Variants in ACSM1 observed in about 807,000 individuals in gnomAD.
ACSM1 encodes the protein acyl-CoA synthetase medium chain family member 1.
A neutral mutation model predicts 75.8 loss-of-function variants in ACSM1; 79 were observed. The observed-to-expected ratio is 1.04, with a 90% CI of 0.87 to 1.26. The LOEUF is 1.26. Ranked by LOEUF, ACSM1 falls within the 50% of genes most tolerant of loss-of-function variation. ACSM1 has a pLI of 0.00. For missense variants in ACSM1, 676 were observed against 720.1 expected (o/e 0.94, Z 0.70); for synonymous variants, 279 against 265.8 (o/e 1.05, Z -0.48).
chr16:20,661,736 G>T, intron 7 of ACSM1, 58 bp downstream of exon 7: 1 of 1,247,510 alleles, frequency 8.0e-7, no homozygotes, highest in Non-Finnish European at 1.2e-6. Flanking sequence ...AGACCATGAT[G>T]TATCAGATTC....
chr16:20,656,208 C>G (rs1157361282), intron 7 of ACSM1, among the ~76,000 whole-genome samples: 1 of 152,024 alleles, frequency 6.6e-6, no homozygotes, highest in Non-Finnish European at 1.5e-5. Flanking sequence ...TGTTATATCT[C>G]TATATTTATA....
chr16:20,691,026 C>A lies in ACSM1; in HGVS notation c.163G>T (p.Val55Leu). 6.2e-7 allele frequency: 1 copy of A among 1,613,602 alleles called. No individual in the cohort carries two copies. Among genetic ancestry groups the A allele is most frequent in the Non-Finnish European group, 8.5e-7 (1 of 1,179,816 alleles). The change falls in exon 2 of 14, where the codon GTA becomes TTA. Residue 55 changes from valine (V) to leucine (L), a missense_variant. By Grantham distance (32) the Val-to-Leu change is conservative. Transcript: ENST00000520010. ...VPEEFNFASY[V>L]LDYWAQKEKE... ...TCCTTTTGAGCCCAGTAGTCCAGTA[C>A]ATAACTTGCAAAGTTAAATTCCTCC...
intron 4 of ACSM1, among the ~76,000 whole-genome samples, chr16:20,678,464 C>T (rs1338202137): frequency 6.6e-6 from 1 of 152,168 alleles, no homozygotes; most frequent in Non-Finnish European, 1.5e-5. Context: ...AGAAGCCATG[C>T]CATGTGAAAA....
chr16:20,632,190 G>A, intron 10 of ACSM1, among the ~76,000 whole-genome samples: 1 of 152,052 alleles, frequency 6.6e-6, no homozygotes, highest in East Asian at 1.9e-4. Context: ...AGAATAAGAA[G>A]AGCAAACTAA....
Position 20,624,162 on chromosome 16 carries a change from AT to A in ACSM1, c.1580del (p.Asp527ValfsTer3). ...GCTGCTGCAGTTCCTTGGTCAGCTG[AT>A]CCTTGTCATGGGACAGGAACTGTGG... is the stretch of plus-strand genomic sequence containing the variant. ...LTPQFLSHDK[D>X]QLTKELQQHV... On this transcript the variant is annotated frameshift_variant, in exon 13 of 14. Coordinates refer to ENST00000520010, the MANE Select transcript of ACSM1 (RefSeq NM_001318890.3). LOFTEE classifies it high-confidence loss of function. The A allele has an allele frequency of 6.2e-7, 1 of 1,613,434 alleles. No homozygotes were observed. Among genetic ancestry groups the A allele is most frequent in the Non-Finnish European group, 8.5e-7 (1 of 1,179,504 alleles).
chr16:20,677,658 C>T lies in ACSM1; in HGVS notation c.611+4598G>A, dbSNP rs187814378. 1.7e-3 allele frequency among the ~76,000 whole-genome samples: 265 copies of T among 152,250 alleles called. 5 individuals are homozygous for T. The South Asian group carries it at 0.028, about 16-fold the overall frequency. The stretch of plus-strand genomic sequence containing the variant: ...TTTTACTGATGGAAGCAGTTTCATA[C>T]GAAAGGGAATCTGCTGAGCTGGGTA... On this transcript the variant is annotated intron_variant, in intron 4 of 13. Coordinates refer to ENST00000520010, the MANE Select transcript of ACSM1 (RefSeq NM_001318890.3).
intron 7 of ACSM1, among the ~76,000 whole-genome samples, chr16:20,653,339 G>C (rs1280608008): frequency 2.6e-5 from 4 of 152,088 alleles, no homozygotes; most frequent in Non-Finnish European, 5.9e-5. Flanking sequence ...TTTGAAAACT[G>C]GCACAAGACA....
chr16:20,681,123 AC>A (rs1357093413), intron 4 of ACSM1: 1 of 152,250 alleles, frequency 6.6e-6, no homozygotes, highest in African/African-American at 2.4e-5. Flanking sequence ...TCATGGGGTT[AC>A]CACACCCCAA....
chr16:20,661,041 G>A (rs780982175), intron 7 of ACSM1, among the ~76,000 whole-genome samples: 29 of 152,086 alleles, frequency 1.9e-4, no homozygotes, highest in African/African-American at 3.9e-4. Flanking sequence ...AGTGTGACCC[G>A]CAATTCCTCT....
At chr16:20,637,477 G>C (rs1251227356) in intron 8 of ACSM1, 26 bp from the exon 9 acceptor site, 12 of 1,602,814 alleles carry the variant, frequency 7.5e-6, no homozygotes, top group Admixed American at 5.0e-5. Flanking sequence ...AGAAGATTTG[G>C]GTTGATCAGA....
Position 20,662,380 on chromosome 16 carries a change from T to C in ACSM1, c.913-507A>G, listed in dbSNP as rs537826016. ...GAAACATTTCAGTCAAGTCAAATAA[T>C]ATGATTTATTTAGACCCACTAGAGA... On this transcript the variant is annotated intron_variant, in intron 6 of 13. Coordinates refer to ENST00000520010, the MANE Select transcript of ACSM1 (RefSeq NM_001318890.3). Among the ~76,000 whole-genome samples, 3 of 152,268 alleles carry C rather than the reference T, an allele frequency of 2.0e-5. No homozygotes were observed. The South Asian group carries it at 6.2e-4, about 32-fold the overall frequency.
At chr16:20,690,155 TA>T (rs1490668587) in intron 2 of ACSM1, among the ~76,000 whole-genome samples, 1 of 152,224 alleles carries the variant, frequency 6.6e-6, no homozygotes, top group Non-Finnish European at 1.5e-5. Context: ...CTTTGGATAG[TA>T]ATACATGAAT....
rs373578641 is a variant in ACSM1 at position 20,685,471 on chromosome 16, C to T, written c.193-68G>A. 2.1e-6 allele frequency: 3 copies of T among 1,413,314 alleles called. No homozygotes were observed. The East Asian group carries it at 6.8e-5, about 32-fold the overall frequency. The allele number at this position is 1,413,314 out of a possible 1,614,324, so 87.5% of individuals were successfully genotyped here. ...AAAAAGGGCACTTAGTAAACTAATC[C>T]ACAGCCATAGTCACGTTCCAATGTG... On this transcript the variant is annotated intron_variant, in intron 2 of 13. Coordinates refer to ENST00000520010, the MANE Select transcript of ACSM1 (RefSeq NM_001318890.3).
intron 8 of ACSM1, among the ~76,000 whole-genome samples, chr16:20,639,735 C>T (rs888490011): frequency 1.2e-4 from 19 of 152,122 alleles, no homozygotes; most frequent in African/African-American, 3.1e-4. Flanking sequence ...GGCTGTGTCC[C>T]GCACATGTGG....
At chr16:20,663,343 T>C (rs191182418) in intron 6 of ACSM1, among the ~76,000 whole-genome samples, 2 of 152,200 alleles carry the variant, frequency 1.3e-5, no homozygotes, top group African/African-American at 2.4e-5. Flanking sequence ...CACATCCGCA[T>C]GTCCTCACCA....
chr16:20,631,686 T>C (rs577234015), intron 10 of ACSM1, among the ~76,000 whole-genome samples: 108 of 152,266 alleles, frequency 7.1e-4, no homozygotes, highest in African/African-American at 2.5e-3. Context: ...TATTAAGCCA[T>C]AAAAAGCTGT....
At chr16:20,690,852 A>C in intron 2 of ACSM1, 145 bp downstream of exon 2, 1 of 740,922 alleles carries the variant, frequency 1.3e-6, no homozygotes, top group South Asian at 2.3e-5. Flanking sequence ...CTGGGAATAG[A>C]ACCTTGAAAT....
At chr16:20,670,131 G>T in intron 5 of ACSM1, 145 bp from the exon 6 acceptor site, 1 of 724,738 alleles carries the variant, frequency 1.4e-6, no homozygotes, top group Non-Finnish European at 2.3e-6. Flanking sequence ...CCTCAGGCCA[G>T]GTCTCAAAGG....
intron 9 of ACSM1, 39 bp downstream of exon 9, chr16:20,637,332 A>G (rs2017781401): frequency 9.6e-6 from 15 of 1,563,890 alleles, no homozygotes; most frequent in Non-Finnish European, 1.1e-5. Context: ...ACCCCCGCTG[A>G]GCCCTAACTG....
Sources: allele counts gnomAD v4.1 joint callset (sites outside exome capture counted in the v4.1 genomes callset), GRCh38; gene constraint gnomAD v4.1.1; transcripts MANE v1.5; gene names NCBI Gene and HGNC (gene_info 2026-07-23, HGNC 2026-07-21).